SLC12A7: variants seen among roughly 807,000 people sequenced by gnomAD.
SLC12A7 encodes K-Cl cotransporter 4.
In SLC12A7, 100 loss-of-function variants were observed where a neutral mutation model predicts 120.6. The observed-to-expected ratio is 0.83, with a 90% CI of 0.71 to 0.98. The LOEUF is 0.98. Ranked by LOEUF, SLC12A7 falls within the 50% of genes least tolerant of loss-of-function variation. SLC12A7 has a pLI of 0.00. For missense variants in SLC12A7, 1,373 were observed against 1,548.1 expected, an observed-to-expected ratio of 0.89 and a Z score of 1.90; for synonymous variants, 760 against 678.0, an observed-to-expected ratio of 1.12 and a Z score of -1.88.
Position 1,110,572 on chromosome 5 carries a change from A to G in SLC12A7, c.124+1296T>C, listed in dbSNP as rs1391672917. 2.0e-5 allele frequency among the ~76,000 whole-genome samples: 3 copies of G among 152,250 alleles called. No homozygotes were observed. The East Asian group carries it at 5.8e-4, about 29-fold the overall frequency. On this transcript the variant is annotated intron_variant, in intron 1 of 23. Transcript: ENST00000264930. ...AGCCTTGAGAAGGGGCCGGCCAGAC[A>G]AGAAGAGGCTCCTTCTGAGTGCGTT...
the SLC12A7 span, among the ~76,000 whole-genome samples, chr5:1,122,829 C>T: frequency 3.9e-5 from 6 of 152,244 alleles, no homozygotes; most frequent in Admixed American, 3.3e-4. Flanking sequence ...CTGATGGACA[C>T]GAGGGTTGCT....
In SLC12A7 at chr5:1,098,826, G is replaced by C. The variant is rs544327566; in HGVS notation, c.125-4578C>G. Reference sequence around the variant, plus strand: ...CTGCTCACCCAGCCGCGTCCCTTGCGCTCCCTGGCCTGGACTTGGACATCG... The same window carrying C: ...CTGCTCACCCAGCCGCGTCCCTTGCCCTCCCTGGCCTGGACTTGGACATCG... On this transcript the variant is annotated intron_variant, in intron 1 of 23. Coordinates refer to ENST00000264930, the MANE Select transcript of SLC12A7 (RefSeq NM_006598.3). 7.6e-4 allele frequency among the ~76,000 whole-genome samples: 107 copies of C among 140,760 alleles called. 2 individuals carry two copies. The highest frequency in any genetic ancestry group is 2.6e-3 in the African/African-American group (98 of 37,656). 92.3% of individuals were successfully genotyped at this position (140,760 alleles called of 152,430 possible). A position where few individuals can be genotyped will look rare whatever the true frequency, so the allele number is the denominator to read the frequency against.
At chr5:1,073,506 C>G in intron 17 of SLC12A7, 127 bp downstream of exon 17, 1 of 1,097,128 alleles carries the variant, frequency 9.1e-7, no homozygotes, top group Non-Finnish European at 1.3e-6. Flanking sequence ...GCCACCGCCA[C>G]GGCTAAAACA....
At chr5:1,085,937 C>T (rs576087807) in intron 6 of SLC12A7, among the ~76,000 whole-genome samples, 20 of 152,330 alleles carry the variant, frequency 1.3e-4, no homozygotes, top group South Asian at 4.1e-4. Flanking sequence ...ACCACGCCGG[C>T]GGGGGGCAAC....
intron 5 of SLC12A7, among the ~76,000 whole-genome samples, chr5:1,087,875 C>T (rs975041300): frequency 6.6e-6 from 1 of 152,218 alleles, no homozygotes; most frequent in Non-Finnish European, 1.5e-5. Flanking sequence ...AATATCATCT[C>T]GGTTCACTAG....
intron 23 of SLC12A7, among the ~76,000 whole-genome samples, chr5:1,053,102 G>A (rs1485052223): frequency 1.3e-5 from 2 of 152,188 alleles, no homozygotes; most frequent in South Asian, 2.1e-4. Context: ...GAGCACCTGG[G>A]GACAGTGGGG....
intron 20 of SLC12A7, among the ~76,000 whole-genome samples, chr5:1,061,893 T>C (rs1341827922): frequency 4.0e-5 from 6 of 151,268 alleles, no homozygotes; most frequent in African/African-American, 1.5e-4. Flanking sequence ...ACCCAGGAGG[T>C]GGAGGTTCCA....
chr5:1,085,138 C>A (rs560606154), intron 7 of SLC12A7, 94 bp downstream of exon 7: 19 of 1,513,594 alleles, frequency 1.3e-5, no homozygotes, highest in Non-Finnish European at 1.4e-5. Flanking sequence ...GCGGGGAGCT[C>A]GGCGTCAAGG....
chr5:1,079,255 A>C (rs1159092560), intron 10 of SLC12A7, 143 bp downstream of exon 10: 1 of 659,016 alleles, frequency 1.5e-6, no homozygotes, highest in African/African-American at 1.8e-5. Flanking sequence ...CCCGTCTCCC[A>C]GGGAGGATGA....
chr5:1,074,884 G>C (rs1379521903), intron 15 of SLC12A7, among the ~76,000 whole-genome samples: 1 of 152,174 alleles, frequency 6.6e-6, no homozygotes, highest in Non-Finnish European at 1.5e-5. Context: ...GCTGTGGAGG[G>C]AACGAGGTCT....
chr5:1,118,747 G>C, the SLC12A7 span, among the ~76,000 whole-genome samples: 7 of 152,328 alleles, frequency 4.6e-5, no homozygotes, highest in South Asian at 1.2e-3. Flanking sequence ...ACAGTGTGGG[G>C]GACCCAGACA....
At chr5:1,083,982 C>T (rs373232705) in intron 7 of SLC12A7, 26 bp from the exon 8 acceptor site, 30 of 1,590,462 alleles carry the variant, frequency 1.9e-5, no homozygotes, top group South Asian at 1.4e-4. Context: ...AGGCACGGCA[C>T]GTGTGCTGCC....
intron 3 of SLC12A7, among the ~76,000 whole-genome samples, chr5:1,092,488 T>TCC (rs1332615709): frequency 6.6e-6 from 1 of 152,100 alleles, no homozygotes. Context: ...TACAAAACCC[T>TCC]CCCTTCTGAG....
At chr5:1,058,230 G>A (rs905102565) in intron 21 of SLC12A7, among the ~76,000 whole-genome samples, 3 of 152,254 alleles carry the variant, frequency 2.0e-5, no homozygotes, top group South Asian at 2.1e-4. Flanking sequence ...CACCGTCCAC[G>A]CCCCTAGCTG....
intron 22 of SLC12A7, among the ~76,000 whole-genome samples, chr5:1,055,658 G>C (rs1281687650): frequency 6.6e-6 from 1 of 152,342 alleles, no homozygotes; most frequent in South Asian, 2.1e-4. Flanking sequence ...ACCAAGGGGA[G>C]GCAAGCCCCG....
the SLC12A7 span, among the ~76,000 whole-genome samples, chr5:1,118,873 G>A: frequency 6.6e-6 from 1 of 152,326 alleles, no homozygotes; most frequent in South Asian, 2.1e-4. Context: ...GTGTCTCGCT[G>A]AACTTCTGGG....
chr5:1,126,031 AAT>A, the SLC12A7 span, among the ~76,000 whole-genome samples: 1 of 152,138 alleles, frequency 6.6e-6, no homozygotes, highest in Non-Finnish European at 1.5e-5. Context: ...AATTCTTAGC[AAT>A]ATACACATAG....
intron 22 of SLC12A7, among the ~76,000 whole-genome samples, chr5:1,055,316 C>T (rs1001711214): frequency 6.6e-6 from 1 of 152,242 alleles, no homozygotes; most frequent in Non-Finnish European, 1.5e-5. Flanking sequence ...CACTAACGTA[C>T]GTGGACGTGC....
chr5:1,091,359 G>C lies in SLC12A7; in HGVS notation c.342+2174C>G, dbSNP rs559551400. Among the ~76,000 whole-genome samples the C allele has an allele frequency of 1.9e-4, 29 of 152,344 alleles. No homozygotes were observed. In the South Asian group the frequency reaches 2.1e-3, roughly 11 times the overall value. ...CCTCATGGCAGGCTGGGCTCCATCAGGCAGAGGGGTTGGAGCTGGATGTCC... is the reference window on the plus strand; with the variant it reads ...CCTCATGGCAGGCTGGGCTCCATCACGCAGAGGGGTTGGAGCTGGATGTCC... On this transcript the variant is annotated intron_variant, in intron 3 of 23. Transcript: ENST00000264930.
Sources: allele counts gnomAD v4.1 joint callset (sites outside exome capture counted in the v4.1 genomes callset), GRCh38; gene constraint gnomAD v4.1.1; transcripts MANE v1.5; gene names NCBI Gene and HGNC (gene_info 2026-07-23, HGNC 2026-07-21).